Variants in SH3D19 observed in about 807,000 individuals in gnomAD.
SH3D19 encodes SH3 domain-containing protein 19.
SH3D19 carries 58 observed loss-of-function variants against 112.1 expected under a neutral mutation model. The observed-to-expected ratio is 0.52, with a 90% CI of 0.42 to 0.64. The LOEUF (loss-of-function observed/expected upper bound fraction) is 0.64, where lower values mean the gene tolerates loss of function less well. SH3D19 is among the 30% of genes least tolerant of loss of function. The pLI is 0.00. For synonymous variants in SH3D19, 391 were observed against 448.5 expected, an observed-to-expected ratio of 0.87 and a Z score of 1.62; for missense variants, 1,090 against 1,263.4, an observed-to-expected ratio of 0.86 and a Z score of 2.08.
chr4:151,148,265 ACACACACACACACAC>A, intron 10 of SH3D19, 79 bp from the exon 11 acceptor site: 2 of 405,640 alleles, frequency 4.9e-6, no homozygotes, highest in Non-Finnish European at 7.7e-6. Flanking sequence ...ACACACACAC[ACACACACACACACAC>A]ACACACACAG....
intron 1 of SH3D19, among the ~76,000 whole-genome samples, chr4:151,295,775 C>T (rs1775663891): frequency 6.6e-6 from 1 of 152,188 alleles, no homozygotes; most frequent in African/African-American, 2.4e-5. Context: ...CAGTGGCTTA[C>T]GCCTATAATC....
rs1729061417 is a variant in SH3D19, at chr4:151,307,744, C to T, written c.112+17497G>A. Among the ~76,000 whole-genome samples the T allele has an allele frequency of 2.6e-5, 4 of 152,370 alleles. No homozygotes were observed. In the South Asian group the frequency reaches 8.3e-4, roughly 32 times the overall value. The stretch of plus-strand genomic sequence containing the variant: ...AAAGCGCTCAGGACTAACAAAGAAA[C>T]AGGAAAACGTGAAGTTTTGCATATT... On this transcript the variant is annotated intron_variant, in intron 1 of 19. Transcript: ENST00000604030.
chr4:151,210,653 G>A (rs1032381139), intron 2 of SH3D19, among the ~76,000 whole-genome samples: 1 of 152,028 alleles, frequency 6.6e-6, no homozygotes, highest in South Asian at 2.1e-4. Flanking sequence ...CGCCTGCCTC[G>A]GCTTCCCAAA....
At chr4:151,255,640 G>A (rs2149982642) in intron 1 of SH3D19, among the ~76,000 whole-genome samples, 1 of 152,276 alleles carries the variant, frequency 6.6e-6, no homozygotes, top group African/African-American at 2.4e-5. Context: ...CCGGGCAGAG[G>A]CTGCAATCTC....
chr4:151,325,368 CGCAGCCGCGGGAT>C lies in SH3D19; in HGVS notation c.-29_-17del, dbSNP rs983380319. ...CCTCAGCCATGGGCGAGGCGCGGGG[CGCAGCCGCGGGAT>C]GGCCAGCGAGCTGCGGCCCCGGCGC... On this transcript the variant is annotated 5_prime_UTR_variant, in exon 1 of 20. Transcript: ENST00000604030. 8 of 1,190,212 alleles carry C rather than the reference CGCAGCCGCGGGAT, an allele frequency of 6.7e-6. No individual in the cohort carries two copies. The highest frequency in any genetic ancestry group is 3.3e-4 in the Middle Eastern group (1 of 3,040). 73.7% of individuals were successfully genotyped at this position (1,190,212 alleles called of 1,614,324 possible).
intron 2 of SH3D19, among the ~76,000 whole-genome samples, chr4:151,201,078 TTGTG>T (rs1764328750): frequency 6.6e-6 from 1 of 152,246 alleles, no homozygotes; most frequent in South Asian, 2.1e-4. Flanking sequence ...CTTTAATAAT[TTGTG>T]TGCTATTTTT....
In SH3D19 at chr4:151,137,871, T is replaced by TA; in HGVS notation, c.2297-10dup. 6.3e-7 allele frequency: 1 copy of TA among 1,586,894 alleles called. No homozygotes were observed. Reference sequence around the variant, plus strand: ...CAAATCATCAACTTGCTCTGTAATATAAAATTATAGTTATGTATGATGAAT... The same window carrying TA: ...CAAATCATCAACTTGCTCTGTAATATAAAAATTATAGTTATGTATGATGAAT... On this transcript the variant is annotated splice_polypyrimidine_tract_variant and intron_variant, in intron 13 of 19. Transcript: ENST00000604030.
intron 1 of SH3D19, among the ~76,000 whole-genome samples, chr4:151,295,609 C>T (rs971405181): frequency 2.0e-5 from 3 of 152,136 alleles, no homozygotes; most frequent in African/African-American, 7.2e-5. Flanking sequence ...ATTCCATTTC[C>T]ACCTCAAGGC....
At chr4:151,322,631 C>T (rs985162809) in intron 1 of SH3D19, among the ~76,000 whole-genome samples, 7 of 152,002 alleles carry the variant, frequency 4.6e-5, no homozygotes, top group African/African-American at 1.5e-4. Context: ...CAACTATCAT[C>T]CTTTGTTGTA....
At chr4:151,144,441 C>G (rs1276525135) in intron 11 of SH3D19, 3 of 651,224 alleles carry the variant, frequency 4.6e-6, no homozygotes, top group African/African-American at 1.8e-5. Context: ...TCAATGGAGC[C>G]TGCCATTTCT....
intron 2 of SH3D19, among the ~76,000 whole-genome samples, chr4:151,191,980 C>G (rs1275063778): frequency 7.4e-6 from 1 of 135,738 alleles, no homozygotes; most frequent in Non-Finnish European, 1.5e-5. Flanking sequence ...GAGTCTTGCT[C>G]TGTCACCAGG....
chr4:151,285,305 T>C (rs1168776300), intron 1 of SH3D19, among the ~76,000 whole-genome samples: 1 of 152,160 alleles, frequency 6.6e-6, no homozygotes, highest in East Asian at 1.9e-4. Context: ...GGAATATACT[T>C]TCCTCTTAAG....
chr4:151,190,904 CT>C (rs1365345463), intron 2 of SH3D19, among the ~76,000 whole-genome samples: 2 of 152,176 alleles, frequency 1.3e-5, no homozygotes, highest in Non-Finnish European at 2.9e-5. Flanking sequence ...CACTGTGCTC[CT>C]GGAAAAGCCG....
chr4:151,319,132 C>G (rs2126402702), intron 1 of SH3D19, among the ~76,000 whole-genome samples: 1 of 152,294 alleles, frequency 6.6e-6, no homozygotes, highest in Non-Finnish European at 1.5e-5. Flanking sequence ...TTCACTGCAA[C>G]ATCCACCTCC....
chr4:151,132,638 TG>T (rs1416003263), intron 16 of SH3D19, among the ~76,000 whole-genome samples: 1 of 152,222 alleles, frequency 6.6e-6, no homozygotes, highest in Admixed American at 6.5e-5. Context: ...TAAAAGTCTT[TG>T]CTATTTATTT....
chr4:151,289,859 C>T (rs138060545), intron 1 of SH3D19, among the ~76,000 whole-genome samples: 16 of 152,306 alleles, frequency 1.1e-4, no homozygotes, highest in Non-Finnish European at 2.2e-4. Flanking sequence ...GCAGAAGGAT[C>T]GCTTCAGCCC....
Position 151,122,042 on chromosome 4 carries a change from G to T in SH3D19, c.*49C>A. 1 of 885,706 alleles carries T rather than the reference G, an allele frequency of 1.1e-6. No homozygotes were observed. The highest frequency in any genetic ancestry group is 1.9e-6 in the Non-Finnish European group (1 of 537,146). 54.9% of individuals were successfully genotyped at this position (885,706 alleles called of 1,614,324 possible). ...CAAAAACATATCTGATAGTCAAGGT[G>T]ATAGTTCAAGTGAGTTCTTGTGCCA... On this transcript the variant is annotated 3_prime_UTR_variant, in exon 20 of 20. Coordinates refer to ENST00000604030, the MANE Select transcript of SH3D19 (RefSeq NM_001378122.1).
intron 1 of SH3D19, among the ~76,000 whole-genome samples, chr4:151,281,005 CA>C (rs1468134398): frequency 1.3e-5 from 2 of 151,870 alleles, no homozygotes; most frequent in Admixed American, 1.3e-4. Flanking sequence ...TCTGCTCCAC[CA>C]AAATAAAGGG....
chr4:151,139,575 T>C (rs1363012654), intron 13 of SH3D19, among the ~76,000 whole-genome samples, 200 bp downstream of exon 13: 2 of 152,156 alleles, frequency 1.3e-5, no homozygotes, highest in East Asian at 1.9e-4. Flanking sequence ...AAGGCAAGGG[T>C]ATACAACTAA....
Sources: allele counts gnomAD v4.1 joint callset (sites outside exome capture counted in the v4.1 genomes callset), GRCh38; gene constraint gnomAD v4.1.1; transcripts MANE v1.5; gene names NCBI Gene and HGNC (gene_info 2026-07-23, HGNC 2026-07-21).